The following PACRG variants were observed in gnomAD, a reference collection of about 807,000 sequenced individuals.
PACRG encodes the protein parkin coregulated gene protein.
A neutral mutation model predicts 29.7 loss-of-function variants in PACRG; 29 were observed. That is an observed-to-expected ratio of 0.98 (90% CI 0.73 to 1.33). PACRG has a LOEUF of 1.33. Ranked by LOEUF, PACRG falls within the 40% of genes most tolerant of loss-of-function variation. The pLI, the probability that PACRG is intolerant of heterozygous loss-of-function variation, is 0.00. For synonymous variants in PACRG, 116 were observed against 118.7 expected (o/e 0.98, Z 0.15); for missense variants, 279 against 316.2 (o/e 0.88, Z 0.89).
At chr6:163,148,381 T>C (rs974492176) in intron 4 of PACRG, among the ~76,000 whole-genome samples, 7 of 152,216 alleles carry the variant, frequency 4.6e-5, no homozygotes, top group African/African-American at 1.7e-4. Context: ...CAATGCAAAC[T>C]TTCATTGAAA....
chr6:163,093,927 C>A (rs1814339052), intron 4 of PACRG, among the ~76,000 whole-genome samples: 1 of 152,152 alleles, frequency 6.6e-6, no homozygotes, highest in South Asian at 2.1e-4. Flanking sequence ...GATGTTTGTA[C>A]CAGGTCTTTG....
intron 2 of PACRG, among the ~76,000 whole-genome samples, chr6:162,866,016 A>G (rs1792270346): frequency 6.6e-6 from 1 of 152,222 alleles, no homozygotes. Flanking sequence ...GAAATATTAA[A>G]TATGTTATTT....
intron 2 of PACRG, among the ~76,000 whole-genome samples, chr6:162,994,994 C>A: frequency 6.7e-6 from 1 of 150,228 alleles, no homozygotes; most frequent in African/African-American, 2.5e-5. Context: ...GTTGGAATAC[C>A]CTGCCGAGTG....
In PACRG at chr6:162,998,893, C is replaced by T. The variant is rs115810367; in HGVS notation, c.292-63257C>T. ...TGTTTAGCCAGTTATCACAACCCCT[C>T]TTATTGAGTGATCACTCTTTCCTTA... On this transcript the variant is annotated intron_variant, in intron 2 of 4. Transcript: ENST00000366888. Among the ~76,000 whole-genome samples the T allele has an allele frequency of 6.8e-3, 1,042 of 152,250 alleles. 16 individuals are homozygous for T. The highest frequency in any genetic ancestry group is 0.024 in the African/African-American group (982 of 41,544).
At chr6:162,915,860 A>G (rs1433583942) in intron 2 of PACRG, among the ~76,000 whole-genome samples, 2 of 152,094 alleles carry the variant, frequency 1.3e-5, no homozygotes, top group African/African-American at 4.8e-5. Flanking sequence ...GATATGGGCT[A>G]TATCTGTATT....
At chr6:163,185,967 A>G (rs116714993) in intron 4 of PACRG, among the ~76,000 whole-genome samples, 51 of 152,216 alleles carry the variant, frequency 3.4e-4, no homozygotes, top group African/African-American at 1.2e-3. Flanking sequence ...ACTCCCAGGC[A>G]GTGAGTGGGG....
chr6:162,892,948 A>G (rs1420012322), intron 2 of PACRG, among the ~76,000 whole-genome samples: 1 of 137,316 alleles, frequency 7.3e-6, no homozygotes, highest in Admixed American at 7.0e-5. Context: ...ACCCCAGAGA[A>G]GAACCACCTC....
chr6:163,155,917 TC>T (rs1291443780), intron 4 of PACRG, among the ~76,000 whole-genome samples: 1 of 152,220 alleles, frequency 6.6e-6, no homozygotes, highest in African/African-American at 2.4e-5. Flanking sequence ...TATGTGCTGT[TC>T]CCTCCGTCTG....
chr6:162,762,676 A>G (rs564653458), intron 1 of PACRG, among the ~76,000 whole-genome samples: 6 of 152,324 alleles, frequency 3.9e-5, no homozygotes, highest in African/African-American at 1.2e-4. Flanking sequence ...TATGCATGCT[A>G]TTTCACATTA....
At chr6:163,244,433 C>T (rs1411487669) in intron 4 of PACRG, among the ~76,000 whole-genome samples, 1 of 152,124 alleles carries the variant, frequency 6.6e-6, no homozygotes, top group Non-Finnish European at 1.5e-5. Context: ...AATACACTGC[C>T]GTGCCTTGCA....
Position 163,143,738 on chromosome 6 carries a change from G to A in PACRG, c.613+54330G>A, listed in dbSNP as rs182257017. On this transcript the variant is annotated intron_variant, in intron 4 of 4. Transcript: ENST00000366888. ...TGAGAAATCAACAGGCCTGGGCGAC[G>A]TCAGCAAGGAGGTGAGGCAGAGAGA... is the stretch of plus-strand genomic sequence containing the variant. Among the ~76,000 whole-genome samples, 226 of 151,866 alleles carry A rather than the reference G, an allele frequency of 1.5e-3. 1 individual carries two copies. Among genetic ancestry groups the A allele is most frequent in the Non-Finnish European group, 1.7e-3 (113 of 67,910 alleles).
intron 4 of PACRG, among the ~76,000 whole-genome samples, chr6:163,155,445 T>C (rs1470607365): frequency 6.6e-6 from 1 of 152,234 alleles, no homozygotes; most frequent in Non-Finnish European, 1.5e-5. Flanking sequence ...TGGCTGGTCT[T>C]GGGCAAAGGC....
chr6:162,954,741 A>G (rs953294069), intron 2 of PACRG, among the ~76,000 whole-genome samples: 5 of 152,210 alleles, frequency 3.3e-5, no homozygotes, highest in Non-Finnish European at 7.3e-5. Context: ...GCTTTTGGTG[A>G]GTATAGGGAA....
chr6:162,872,771 C>T (rs915248128), intron 2 of PACRG, among the ~76,000 whole-genome samples: 6 of 152,164 alleles, frequency 3.9e-5, no homozygotes, highest in Admixed American at 2.6e-4. Flanking sequence ...ACCATCCCAC[C>T]GCTGCTCAAG....
At chr6:163,290,022 T>G (rs1343034627) in intron 4 of PACRG, among the ~76,000 whole-genome samples, 2 of 151,984 alleles carry the variant, frequency 1.3e-5, no homozygotes, top group Non-Finnish European at 2.9e-5. Flanking sequence ...TAATTTTGTA[T>G]TTTTAGTAGA....
chr6:163,047,513 G>T lies in PACRG; in HGVS notation c.292-14637G>T, dbSNP rs75092969. 3.6e-3 allele frequency among the ~76,000 whole-genome samples: 547 copies of T among 152,190 alleles called. 3 individuals carry two copies. Among genetic ancestry groups the T allele is most frequent in the African/African-American group, 0.013 (536 of 41,524 alleles). On this transcript the variant is annotated intron_variant, in intron 2 of 4. Coordinates refer to ENST00000366888, the MANE Select transcript of PACRG (RefSeq NM_001080379.2). The stretch of plus-strand genomic sequence containing the variant: ...ATTACACTTGAAAGTATCATTCTTT[G>T]ACTGTTACCGTCGGGAACATACAAT...
At chr6:162,764,748 T>A (rs116545060) in intron 1 of PACRG, among the ~76,000 whole-genome samples, 8 of 122,608 alleles carry the variant, frequency 6.5e-5, no homozygotes, top group Non-Finnish European at 1.2e-4. Context: ...GAATCCAAAC[T>A]TTTTTTTTTT....
At chr6:162,947,051 C>T (rs566529662) in intron 2 of PACRG, among the ~76,000 whole-genome samples, 19 of 151,754 alleles carry the variant, frequency 1.3e-4, no homozygotes, top group South Asian at 8.3e-4. Context: ...GAAGCATTCC[C>T]CTTGAGAACA....
At chr6:162,790,796 C>T (rs370073428) in intron 1 of PACRG, among the ~76,000 whole-genome samples, 22 of 152,086 alleles carry the variant, frequency 1.4e-4, no homozygotes, top group African/African-American at 4.3e-4. Flanking sequence ...GCGTTGATCC[C>T]GCTATGTATC....
Sources: allele counts gnomAD v4.1 joint callset (sites outside exome capture counted in the v4.1 genomes callset), GRCh38; gene constraint gnomAD v4.1.1; transcripts MANE v1.5; gene names NCBI Gene and HGNC (gene_info 2026-07-23, HGNC 2026-07-21).